The following FBXO25 variants were observed in gnomAD, a reference collection of about 807,000 sequenced individuals.
FBXO25 encodes the protein F-box only protein 25.
FBXO25 carries 45 observed loss-of-function variants against 51.9 expected under a neutral mutation model. The ratio of observed to expected loss-of-function variants is 0.87; its 90% CI spans 0.68 to 1.11. The LOEUF is 1.11. Among genes scored for constraint, FBXO25 ranks in the 50% most tolerant of loss-of-function variants. FBXO25 has a pLI of 0.00. For synonymous variants in FBXO25, 199 were observed against 151.0 expected (o/e 1.32, Z -2.33); for missense variants, 507 against 428.5 (o/e 1.18, Z -1.62).
At chr8:412,283 C>T (rs1796524164) in intron 1 of FBXO25, among the ~76,000 whole-genome samples, 2 of 152,166 alleles carry the variant, frequency 1.3e-5, no homozygotes, top group Admixed American at 6.5e-5. Context: ...GGCTACAAAA[C>T]AAAATCTAGA....
intron 9 of FBXO25, among the ~76,000 whole-genome samples, chr8:465,849 T>C (rs974841511): frequency 1.3e-5 from 2 of 152,200 alleles, no homozygotes; most frequent in African/African-American, 4.8e-5. Flanking sequence ...TCCTGAAATA[T>C]GTAATTTCTG....
chr8:452,556 G>C (rs2241990), intron 7 of FBXO25, among the ~76,000 whole-genome samples: 18,262 of 152,254 alleles, frequency 0.12, 1,264 homozygotes, highest in South Asian at 0.18. Context: ...CAGATCCGTG[G>C]TAGTGATGTT....
chr8:426,066 T>C (rs1797456663), intron 2 of FBXO25, among the ~76,000 whole-genome samples: 1 of 152,198 alleles, frequency 6.6e-6, no homozygotes, highest in African/African-American at 2.4e-5. Flanking sequence ...TTGTTCTTTG[T>C]CTGCATTGTG....
At position 458,617 on chromosome 8, in the gene FBXO25, C is replaced by A. The variant is rs189563189; in HGVS notation, c.843+66C>A. The A allele has an allele frequency of 1.6e-4, 240 of 1,461,510 alleles. 1 individual carries two copies. In the African/African-American group the frequency reaches 3.0e-3, roughly 18 times the overall value. 90.5% of individuals were successfully genotyped at this position (1,461,510 alleles called of 1,614,324 possible). A position where few individuals can be genotyped will look rare whatever the true frequency, so the allele number is the denominator to read the frequency against. On this transcript the variant is annotated intron_variant, in intron 8 of 9. Transcript: ENST00000350302. ...ATAGACTCTGCCTGGGGGCCATACC[C>A]TATAAACTCACCTGGAGAGAAAGAA...
At chr8:465,287 G>C (rs1800082278) in intron 9 of FBXO25, among the ~76,000 whole-genome samples, 1 of 152,198 alleles carries the variant, frequency 6.6e-6, no homozygotes, top group Admixed American at 6.5e-5. Context: ...CAGTCACAGA[G>C]TAAGAGTGGA....
Position 468,978 on chromosome 8 carries a change from A to G in FBXO25, c.*174A>G, listed in dbSNP as rs984669394. On this transcript the variant is annotated 3_prime_UTR_variant, in exon 10 of 10. Transcript: ENST00000350302. ...CTGCATGGTTGCATTTTCATCACTG[A>G]AAGTCAGAGGCCAAGGAAATCATTT... The G allele has an allele frequency of 3.5e-6, 2 of 578,332 alleles. No individual in the cohort carries two copies. Among genetic ancestry groups the G allele is most frequent in the Non-Finnish European group, 6.0e-6 (2 of 333,134 alleles). 35.8% of individuals were successfully genotyped at this position (578,332 alleles called of 1,614,324 possible).
intron 1 of FBXO25, among the ~76,000 whole-genome samples, chr8:409,697 G>C (rs1796377378): frequency 6.6e-6 from 1 of 152,160 alleles, no homozygotes; most frequent in Admixed American, 6.5e-5. Flanking sequence ...ACATAGGACA[G>C]TCATCCAGAT....
intron 7 of FBXO25, among the ~76,000 whole-genome samples, chr8:452,038 A>C (rs1799131047): frequency 6.6e-6 from 1 of 152,200 alleles, no homozygotes; most frequent in Admixed American, 6.5e-5. Flanking sequence ...AAAAGAATAA[A>C]CCGAAGATAT....
intron 7 of FBXO25, among the ~76,000 whole-genome samples, chr8:458,023 C>T (rs572821374): frequency 6.6e-6 from 1 of 152,338 alleles, no homozygotes; most frequent in African/African-American, 2.4e-5. Context: ...TAGGCAGCAG[C>T]GCCACATCCA....
chr8:441,348 C>G (rs1334046703), intron 5 of FBXO25, among the ~76,000 whole-genome samples: 2 of 152,122 alleles, frequency 1.3e-5, no homozygotes, highest in East Asian at 3.9e-4. Flanking sequence ...TTCCTTACAC[C>G]TTTATACAAA....
intron 2 of FBXO25, among the ~76,000 whole-genome samples, chr8:431,107 A>G: frequency 6.6e-6 from 1 of 152,234 alleles, no homozygotes; most frequent in Admixed American, 6.5e-5. Context: ...TTGGATAAGT[A>G]TATCAAGACC....
rs1423910295 is a variant in FBXO25, at chr8:469,256, T to C, written c.*452T>C. 6.5e-6 allele frequency: 1 copy of C among 153,920 alleles called. No individual in the cohort carries two copies. Among genetic ancestry groups the C allele is most frequent in the African/African-American group, 2.4e-5 (1 of 41,514 alleles). The allele number at this position is 153,920 out of a possible 1,614,324, so 9.5% of individuals were successfully genotyped here. ...ACAGAATATTTATTTTTTCTCAAAATGCATTTTAACTACTACATTGGCTGT... is the reference window on the plus strand; with the variant it reads ...ACAGAATATTTATTTTTTCTCAAAACGCATTTTAACTACTACATTGGCTGT... On this transcript the variant is annotated 3_prime_UTR_variant, in exon 10 of 10. Coordinates refer to ENST00000350302, the MANE Select transcript of FBXO25 (RefSeq NM_183420.2).
At chr8:416,292 C>T (rs1796797884) in intron 2 of FBXO25, among the ~76,000 whole-genome samples, 1 of 152,226 alleles carries the variant, frequency 6.6e-6, no homozygotes, top group Non-Finnish European at 1.5e-5. Flanking sequence ...CATACTCCTT[C>T]CCCATCTTTT....
At chr8:425,283 C>G (rs1797404634) in intron 2 of FBXO25, among the ~76,000 whole-genome samples, 1 of 152,078 alleles carries the variant, frequency 6.6e-6, no homozygotes, top group Admixed American at 6.5e-5. Context: ...TTGTTTTATT[C>G]TTAAAATTTG....
chr8:461,890 A>G (rs371924553), intron 8 of FBXO25, among the ~76,000 whole-genome samples: 7 of 152,312 alleles, frequency 4.6e-5, no homozygotes, highest in African/African-American at 1.7e-4. Context: ...TTGTTTATCC[A>G]TTCATCAGTT....
chr8:432,974 G>A (rs777651015), intron 4 of FBXO25, 39 bp downstream of exon 4: 1 of 1,505,594 alleles, frequency 6.6e-7, no homozygotes, highest in Non-Finnish European at 8.9e-7. Flanking sequence ...ATCTTGTATT[G>A]TTTCTGTTGA....
intron 1 of FBXO25, among the ~76,000 whole-genome samples, chr8:409,588 T>C (rs1796371910): frequency 6.6e-6 from 1 of 152,216 alleles, no homozygotes; most frequent in Admixed American, 6.5e-5. Flanking sequence ...AAGATAAGTG[T>C]ATTAAATGAT....
At position 451,285 on chromosome 8, in the gene FBXO25, C is replaced by G. The variant is rs1456372396; in HGVS notation, c.492C>G (p.His164Gln). ...TTATTCCAGTTCTTGATGACCACCA[C>G]AATCCTCGCTTAATCAAAGATCTTC... ...KIVQKVLDDHHNPRLIKDLLQ... is the reference protein window; with the variant it reads ...KIVQKVLDDHQNPRLIKDLLQ... Residue 164 changes from histidine to glutamine, a missense_variant, in exon 7 of 10, where the codon CAC (histidine) becomes CAG (glutamine). Physicochemically the swap from His to Gln is conservative, Grantham distance 24. Coordinates refer to ENST00000350302, the MANE Select transcript of FBXO25 (RefSeq NM_183420.2). The G allele has an allele frequency of 2.5e-6, 4 of 1,606,578 alleles. No individual in the cohort carries two copies. Among genetic ancestry groups the G allele is most frequent in the Non-Finnish European group, 3.4e-6 (4 of 1,177,960 alleles).
Position 458,349 on chromosome 8 carries a change from C to T in FBXO25, c.661-20C>T, listed in dbSNP as rs1799589451. ...CATTGGCCATCTTCTCAGTGAGTTGCTGTTGTGTTTTCCTTTCAGCAAGTG... is the reference window on the plus strand; with the variant it reads ...CATTGGCCATCTTCTCAGTGAGTTGTTGTTGTGTTTTCCTTTCAGCAAGTG... On this transcript the variant is annotated intron_variant, in intron 7 of 9. Coordinates refer to ENST00000350302, the MANE Select transcript of FBXO25 (RefSeq NM_183420.2). 6.2e-7 allele frequency: 1 copy of T among 1,609,044 alleles called. No individual in the cohort carries two copies. The highest frequency in any genetic ancestry group is 1.7e-4 in the Middle Eastern group (1 of 5,720).
Sources: gnomAD v4.1 joint callset for allele counts (sites outside exome capture counted in the v4.1 genomes callset) on GRCh38, gnomAD v4.1.1 for gene constraint, MANE v1.5 for transcripts, NCBI Gene and HGNC (gene_info 2026-07-23, HGNC 2026-07-21) for gene names.